DGKB: variants seen among roughly 807,000 people sequenced by gnomAD.
DGKB encodes the protein diacylglycerol kinase beta, also known as 90 kDa diacylglycerol kinase.
DGKB carries 67 observed loss-of-function variants against 114.3 expected under a neutral mutation model. The observed-to-expected ratio is 0.59, with a 90% CI of 0.48 to 0.72. The LOEUF is 0.72. DGKB is among the 30% of genes least tolerant of loss of function. DGKB has a pLI of 0.00. For synonymous variants in DGKB, 398 were observed against 323.1 expected (o/e 1.23, Z -2.49); for missense variants, 907 against 975.2 (o/e 0.93, Z 0.93).
At chr7:14,558,571 C>T (rs928228358) in intron 20 of DGKB, among the ~76,000 whole-genome samples, 5 of 152,054 alleles carry the variant, frequency 3.3e-5, no homozygotes, top group African/African-American at 1.2e-4. Flanking sequence ...CTTGTGGCCA[C>T]ATGTGTAATT....
chr7:14,876,389 A>G (rs73287412), intron 1 of DGKB, among the ~76,000 whole-genome samples: 7,185 of 152,282 alleles, frequency 0.047, 555 homozygotes, highest in African/African-American at 0.16. Flanking sequence ...CAAGGCCACA[A>G]ACATAACACT....
At chr7:14,407,137 G>A (rs1824067578) in intron 21 of DGKB, among the ~76,000 whole-genome samples, 1 of 152,094 alleles carries the variant, frequency 6.6e-6, no homozygotes, top group African/African-American at 2.4e-5. Context: ...GCATTCTAGT[G>A]CATGAATGTG....
At chr7:14,747,775 G>GCGCGCGCGCGCGCGCACA in intron 4 of DGKB, among the ~76,000 whole-genome samples, 46 of 149,278 alleles carry the variant, frequency 3.1e-4, no homozygotes, top group African/African-American at 1.1e-3. Context: ...ACATCCACGC[G>GCGCGCGCGCGCGCGCACA]CACGCACACA....
chr7:14,690,433 A>T (rs1822626395), intron 9 of DGKB, among the ~76,000 whole-genome samples: 1 of 152,208 alleles, frequency 6.6e-6, no homozygotes, highest in African/African-American at 2.4e-5. Flanking sequence ...CGATTGTGCC[A>T]AGTAAAAGGT....
At chr7:14,319,373 T>G (rs2128528373) in intron 23 of DGKB, among the ~76,000 whole-genome samples, 1 of 152,242 alleles carries the variant, frequency 6.6e-6, no homozygotes, top group South Asian at 2.1e-4. Flanking sequence ...ATTACAGAGA[T>G]TTATAAAAAG....
At chr7:14,673,538 G>C (rs1488821357) in intron 12 of DGKB, among the ~76,000 whole-genome samples, 1 of 151,730 alleles carries the variant, frequency 6.6e-6, no homozygotes, top group Admixed American at 6.6e-5. Context: ...ATTCATCTCA[G>C]TAGGAGCAGG....
intron 13 of DGKB, among the ~76,000 whole-genome samples, chr7:14,645,622 C>T (rs1261927989): frequency 6.6e-6 from 1 of 151,700 alleles, no homozygotes; most frequent in African/African-American, 2.4e-5. Context: ...AGGGAGTCCC[C>T]ATTAGACTAA....
chr7:14,689,199 ATTTTTTTTTTT>A (rs551618345), intron 9 of DGKB, among the ~76,000 whole-genome samples: 4 of 76,566 alleles, frequency 5.2e-5, no homozygotes, highest in African/African-American at 1.2e-4. Flanking sequence ...AACTCCTCTT[ATTTTTTTTTTT>A]TTTTTTTTTT....
rs186916881 is a variant in DGKB at position 14,637,678 on chromosome 7, T to C, written c.1135-7410A>G. Among the ~76,000 whole-genome samples, 3 of 151,910 alleles carry C rather than the reference T, an allele frequency of 2.0e-5. No homozygotes were observed. The East Asian group carries it at 5.8e-4, about 29-fold the overall frequency. Reference sequence around the variant, plus strand: ...GTAATCACATTCTGGTATAATATTCTATTCAGACACTAAACTCATCTTGGT... The same window carrying C: ...GTAATCACATTCTGGTATAATATTCCATTCAGACACTAAACTCATCTTGGT... On this transcript the variant is annotated intron_variant, in intron 13 of 25. Coordinates refer to ENST00000402815, the MANE Select transcript of DGKB (RefSeq NM_001350709.2).
chr7:14,680,527 G>C (rs1228035795), intron 12 of DGKB, among the ~76,000 whole-genome samples: 1 of 151,964 alleles, frequency 6.6e-6, no homozygotes, highest in African/African-American at 2.4e-5. Flanking sequence ...GCTAGGTGTG[G>C]ATTCTGAAGT....
intron 20 of DGKB, among the ~76,000 whole-genome samples, chr7:14,480,017 G>C (rs1283237014): frequency 1.3e-5 from 2 of 151,932 alleles, no homozygotes; most frequent in Admixed American, 6.6e-5. Flanking sequence ...GGGAGACTGA[G>C]ACTTTTAAAA....
chr7:14,185,141 G>C (rs182014685), intron 23 of DGKB, among the ~76,000 whole-genome samples: 5 of 152,284 alleles, frequency 3.3e-5, no homozygotes, highest in African/African-American at 1.2e-4. Context: ...GACTCCTCCA[G>C]AAAGCTCCTA....
At chr7:14,266,069 T>G (rs1797476889) in intron 23 of DGKB, among the ~76,000 whole-genome samples, 1 of 152,158 alleles carries the variant, frequency 6.6e-6, no homozygotes, top group Non-Finnish European at 1.5e-5. Context: ...AAAGGCAACC[T>G]TTTCTGTGGC....
intron 21 of DGKB, among the ~76,000 whole-genome samples, chr7:14,382,773 C>T (rs2128686329): frequency 6.6e-6 from 1 of 152,226 alleles, no homozygotes; most frequent in South Asian, 2.1e-4. Flanking sequence ...ACAGAGAGTG[C>T]TTGAAGAATA....
At chr7:14,492,466 G>A (rs952745449) in intron 20 of DGKB, among the ~76,000 whole-genome samples, 1 of 152,026 alleles carries the variant, frequency 6.6e-6, no homozygotes, top group African/African-American at 2.4e-5. Context: ...TAAAAACAAA[G>A]GTCTAGTCTT....
rs535308585 is a variant in DGKB, at chr7:14,921,464, A to G, written c.-188+53232T>C. On this transcript the variant is annotated intron_variant, in intron 1 of 4. Transcript: ENST00000437998. ...CCAAACCGAACATCATTAGAAAAATAACATAACCCATGTGAAAAATGTAAG... is the reference window on the plus strand; with the variant it reads ...CCAAACCGAACATCATTAGAAAAATGACATAACCCATGTGAAAAATGTAAG... Among the ~76,000 whole-genome samples, 19 of 152,342 alleles carry G rather than the reference A, an allele frequency of 1.2e-4. 1 individual carries two copies. The South Asian group carries it at 3.9e-3, about 32-fold the overall frequency.
chr7:14,175,148 G>A (rs1308041049), intron 25 of DGKB, among the ~76,000 whole-genome samples: 1 of 152,098 alleles, frequency 6.6e-6, no homozygotes, highest in Non-Finnish European at 1.5e-5. Flanking sequence ...AAGAGTCTTG[G>A]ATTTTAGTTC....
intron 5 of DGKB, among the ~76,000 whole-genome samples, chr7:14,735,469 C>G (rs1356372481): frequency 6.6e-6 from 1 of 152,110 alleles, no homozygotes; most frequent in Non-Finnish European, 1.5e-5. Context: ...TTGGGTAATA[C>G]AGTGAAATCT....
intron 20 of DGKB, among the ~76,000 whole-genome samples, chr7:14,505,409 G>A (rs1786871968): frequency 6.6e-6 from 1 of 151,564 alleles, no homozygotes; most frequent in African/African-American, 2.4e-5. Context: ...AGCAGAGATT[G>A]TGCCACTGCA....
Sources: allele counts gnomAD v4.1 joint callset (sites outside exome capture counted in the v4.1 genomes callset), GRCh38; gene constraint gnomAD v4.1.1; transcripts MANE v1.5; gene names NCBI Gene and HGNC (gene_info 2026-07-23, HGNC 2026-07-21).